The following PLBD2 variants were observed in gnomAD, a reference collection of about 807,000 sequenced individuals.
The protein encoded by PLBD2 is phospholipase B domain containing 2.
Under a neutral mutation model 68.3 loss-of-function variants are expected in PLBD2, and 51 were observed. The ratio of observed to expected loss-of-function variants is 0.75; its 90% CI spans 0.60 to 0.94. The LOEUF (loss-of-function observed/expected upper bound fraction) is 0.94. Ranked by LOEUF, PLBD2 falls within the 40% of genes least tolerant of loss-of-function variation. The probability of loss-of-function intolerance (pLI) is 0.00; values close to 1 mark genes in which losing one functional copy is unlikely to be tolerated. For synonymous variants in PLBD2, 314 were observed against 339.3 expected (o/e 0.93, Z 0.82); for missense variants, 729 against 792.2 (o/e 0.92, Z 0.96).
At chr12:113,360,968 C>G (rs1263205440) in intron 1 of PLBD2, among the ~76,000 whole-genome samples, 1 of 152,182 alleles carries the variant, frequency 6.6e-6, no homozygotes, top group Non-Finnish European at 1.5e-5. Flanking sequence ...TCACATGCCC[C>G]TTTCCCTTTG....
chr12:113,384,857 C>T lies in PLBD2; in HGVS notation c.1125C>T (p.Asn375=). 1.2e-6 allele frequency: 2 copies of T among 1,613,070 alleles called. No homozygotes were observed. Among genetic ancestry groups the T allele is most frequent in the Non-Finnish European group, 8.5e-7 (1 of 1,179,432 alleles). Residue 375 remains asparagine, a synonymous_variant, in exon 8 of 12, where the codon AAC becomes AAT. Coordinates refer to ENST00000280800, the MANE Select transcript of PLBD2 (RefSeq NM_173542.4). This position sits in a 1 kb window ranked among gnomAD's most constrained non-coding sequence, Gnocchi z 4.2. Reference sequence around the variant, plus strand: ...CCCTTCCCCTGCCCGGCAGGTATAACAACCAGTGGATGATCGTGGACTACA... The same window carrying T: ...CCCTTCCCCTGCCCGGCAGGTATAATAACCAGTGGATGATCGTGGACTACA... ...IFKRFNSGTY[N]NQWMIVDYKA... is the part of the protein sequence containing the mutation.
intron 5 of PLBD2, among the ~76,000 whole-genome samples, chr12:113,378,365 T>C (rs1957452599): frequency 6.6e-6 from 1 of 152,172 alleles, no homozygotes; most frequent in African/African-American, 2.4e-5. Flanking sequence ...TGTAGTATTA[T>C]ACAGAATAGT....
In PLBD2 at chr12:113,358,678, G is replaced by A. The variant is rs1308797725; in HGVS notation, c.78G>A (p.Val26=). 6.9e-7 allele frequency: 1 copy of A among 1,441,822 alleles called. No individual in the cohort carries two copies. Among genetic ancestry groups the A allele is most frequent in the Non-Finnish European group, 9.0e-7 (1 of 1,105,808 alleles). The allele number at this position is 1,441,822 out of a possible 1,614,324, so 89.3% of individuals were successfully genotyped here. The change falls in exon 1 of 12, where the codon GTG becomes GTA. Residue 26 remains valine (V), a synonymous_variant. Coordinates refer to ENST00000280800, the MANE Select transcript of PLBD2 (RefSeq NM_173542.4). ...ALTRALALAL[V]LALLVGPFLS... is the part of the protein sequence containing the mutation. ...CGCGGGCGCTGGCGCTGGCCCTGGT[G>A]CTGGCCCTGCTGGTCGGGCCGTTCC...
At chr12:113,379,867 A>T (rs1011143175) in intron 5 of PLBD2, among the ~76,000 whole-genome samples, 3 of 152,142 alleles carry the variant, frequency 2.0e-5, no homozygotes, top group Admixed American at 2.0e-4. Context: ...TATCTATCTG[A>T]GTATATATAT....
At chr12:113,379,352 CT>C (rs1957464246) in intron 5 of PLBD2, among the ~76,000 whole-genome samples, 7 of 149,728 alleles carry the variant, frequency 4.7e-5, no homozygotes, top group Non-Finnish European at 8.9e-5. Context: ...ATTCAGAGAG[CT>C]ACACCCAGAA....
chr12:113,391,585 C>T lies in PLBD2; in HGVS notation c.*2959C>T, dbSNP rs1438572682. ...TGCAGTGTGTCAGTGCTGGTAAACC[C>T]GTGGAGAAAATAAAGCAAGGTTGGG... On this transcript the variant is annotated 3_prime_UTR_variant, in exon 12 of 12. Transcript: ENST00000280800. The T allele has an allele frequency of 6.6e-6, 1 of 152,084 alleles. No individual in the cohort carries two copies. The highest frequency in any genetic ancestry group is 2.4e-5 in the African/African-American group (1 of 41,410). 9.4% of individuals were successfully genotyped at this position (152,084 alleles called of 1,614,324 possible).
chr12:113,361,278 A>C (rs1010977068), intron 1 of PLBD2, among the ~76,000 whole-genome samples: 1 of 151,850 alleles, frequency 6.6e-6, no homozygotes, highest in Non-Finnish European at 1.5e-5. Flanking sequence ...TTATCAGGAT[A>C]AATTCTCCCT....
rs1957366174 is a variant in PLBD2, at chr12:113,369,122, C to T, written c.297C>T (p.Ala99=). Residue 99 remains alanine, a synonymous_variant, in exon 2 of 12, where the codon GCC becomes GCT. Coordinates refer to ENST00000280800, the MANE Select transcript of PLBD2 (RefSeq NM_173542.4). The part of the protein sequence containing the change: ...LTNAIRETGW[A]FLELGTSGQY... ...TCCCCTCCTTCCCCTCCAGGTGGGCCTTCCTGGAGCTGGGCACAAGTGGCC... is the reference window on the plus strand; with the variant it reads ...TCCCCTCCTTCCCCTCCAGGTGGGCTTTCCTGGAGCTGGGCACAAGTGGCC... 6.3e-7 allele frequency: 1 copy of T among 1,594,650 alleles called. No individual in the cohort carries two copies. Among genetic ancestry groups the T allele is most frequent in the Non-Finnish European group, 8.5e-7 (1 of 1,170,364 alleles).
At chr12:113,359,644 G>T (rs1310309974) in intron 1 of PLBD2, among the ~76,000 whole-genome samples, 1 of 152,196 alleles carries the variant, frequency 6.6e-6, no homozygotes, top group Non-Finnish European at 1.5e-5. Context: ...CCCCATCTGT[G>T]GCCCAGATTT....
chr12:113,385,856 T>G (rs1188911269), intron 9 of PLBD2, among the ~76,000 whole-genome samples: 2 of 152,056 alleles, frequency 1.3e-5, no homozygotes, highest in Non-Finnish European at 2.9e-5. Flanking sequence ...GCTCAAGTGA[T>G]TCTCCTGCCT....
rs1957260128 is a variant in PLBD2, at chr12:113,358,853, G to T, written c.253G>T (p.Ala85Ser). Residue 85 changes from alanine (A) to serine (S), a missense_variant, in exon 1 of 12, where the codon GCC becomes TCC. Transcript: ENST00000280800. ...MVDGRHPDAV[A>S]WANLTNAIRE... ...GGACGGACGCCACCCTGACGCCGTG[G>T]CCTGGGCCAACCTCACCAACGCCAT... The T allele has an allele frequency of 2.0e-6, 3 of 1,523,484 alleles. No homozygotes were observed. The Admixed American group carries it at 6.3e-5, about 32-fold the overall frequency. 94.4% of individuals were successfully genotyped at this position (1,523,484 alleles called of 1,614,324 possible).
In PLBD2 at chr12:113,388,509, TC is replaced by T; in HGVS notation, c.1656del (p.Thr553ArgfsTer50). The T allele has an allele frequency of 6.2e-7, 1 of 1,608,274 alleles. No individual in the cohort carries two copies. The highest frequency in any genetic ancestry group is 8.5e-7 in the Non-Finnish European group (1 of 1,178,732). ...TCCTGAGCCTGCTGGCGGCCAGCGG[TC>T]CCACGTGGGACCAGGTGCCCCCGTT... is the stretch of plus-strand genomic sequence containing the variant. ...RILSLLAASGPTWDQVPPFQW... is the reference protein window; with the variant it reads ...RILSLLAASGXTWDQVPPFQW... On this transcript the variant is annotated frameshift_variant, in exon 12 of 12. Transcript: ENST00000280800. LOFTEE classifies it high-confidence loss of function.
chr12:113,368,412 G>A (rs1197645405), intron 1 of PLBD2, among the ~76,000 whole-genome samples: 1 of 152,222 alleles, frequency 6.6e-6, no homozygotes, highest in African/African-American at 2.4e-5. Flanking sequence ...GTGCTTGTGT[G>A]GCTCTCATAT....
intron 2 of PLBD2, among the ~76,000 whole-genome samples, chr12:113,369,596 G>C (rs1957371296): frequency 6.6e-6 from 1 of 152,122 alleles, no homozygotes; most frequent in African/African-American, 2.4e-5. Context: ...ACATTATTCA[G>C]CTATAAACGG....
At chr12:113,374,010 G>A (rs1037744592) in intron 3 of PLBD2, among the ~76,000 whole-genome samples, 1 of 152,058 alleles carries the variant, frequency 6.6e-6, no homozygotes, top group African/African-American at 2.4e-5. Flanking sequence ...TAAGTGCCCA[G>A]TGTGCCTGCC....
intron 2 of PLBD2, among the ~76,000 whole-genome samples, chr12:113,369,569 A>G (rs1188284725): frequency 6.6e-6 from 1 of 152,214 alleles, no homozygotes; most frequent in Admixed American, 6.5e-5. Context: ...ATACAACGTG[A>G]TCTATCATAC....
intron 1 of PLBD2, among the ~76,000 whole-genome samples, chr12:113,365,545 C>G (rs1957335239): frequency 6.6e-6 from 1 of 152,048 alleles, no homozygotes; most frequent in South Asian, 2.1e-4. Flanking sequence ...AACTCCTGAC[C>G]TCAAGTGATC....
At position 113,372,863 on chromosome 12, in the gene PLBD2, G is replaced by T; in HGVS notation, c.543+56G>T. On this transcript the variant is annotated intron_variant, in intron 3 of 11. Coordinates refer to ENST00000280800, the MANE Select transcript of PLBD2 (RefSeq NM_173542.4). This position sits in a 1 kb window ranked among gnomAD's most constrained non-coding sequence, Gnocchi z 4.2. The stretch of plus-strand genomic sequence containing the variant: ...GGGCTTCCAGCTGGCCAGCCATCCT[G>T]TCTCCTGTTGTTCTGGCCAGCCTTG... The T allele has an allele frequency of 1.9e-6, 3 of 1,581,556 alleles. No individual in the cohort carries two copies. The highest frequency in any genetic ancestry group is 1.7e-5 in the Admixed American group (1 of 58,972).
At position 113,358,639 on chromosome 12, in the gene PLBD2, G is replaced by A. The variant is rs1338256108; in HGVS notation, c.39G>A (p.Leu13=). ...TGTACTGCTACCCCGGCAGCCACCT[G>A]GCCCGGGCGCTGACGCGGGCGCTGG... The part of the protein sequence containing the change: ...GQMYCYPGSH[L]ARALTRALAL... Residue 13 remains leucine (L), a synonymous_variant, in exon 1 of 12, where the codon CTG becomes CTA. Coordinates refer to ENST00000280800, the MANE Select transcript of PLBD2 (RefSeq NM_173542.4). 1 of 1,465,278 alleles carries A rather than the reference G, an allele frequency of 6.8e-7. No individual in the cohort carries two copies. Among genetic ancestry groups the A allele is most frequent in the Non-Finnish European group, 9.0e-7 (1 of 1,115,906 alleles). The allele number at this position is 1,465,278 out of a possible 1,614,324, so 90.8% of individuals were successfully genotyped here. A position where few individuals can be genotyped will look rare whatever the true frequency, so the allele number is the denominator to read the frequency against.
Sources: gnomAD v4.1 joint callset for allele counts (sites outside exome capture counted in the v4.1 genomes callset) on GRCh38, gnomAD v4.1.1 for gene constraint, Gnocchi (gnomAD v3.1) non-coding constraint, MANE v1.5 for transcripts, NCBI Gene and HGNC (gene_info 2026-07-23, HGNC 2026-07-21) for gene names.